The following UST variants were observed in gnomAD, a reference collection of about 807,000 sequenced individuals.
UST encodes the protein chondroitin sulfate 2-O-sulfotransferase.
UST carries 21 observed loss-of-function variants against 45.6 expected under a neutral mutation model. That is an observed-to-expected ratio of 0.46 (90% CI 0.33 to 0.66). The LOEUF (loss-of-function observed/expected upper bound fraction) is 0.66, where lower values mean the gene tolerates loss of function less well. Ranked by LOEUF, UST falls within the 30% of genes least tolerant of loss-of-function variation. UST has a pLI of 0.02. For missense variants in UST, 463 were observed against 512.4 expected, an observed-to-expected ratio of 0.90 and a Z score of 0.93; for synonymous variants, 215 against 200.6, an observed-to-expected ratio of 1.07 and a Z score of -0.61.
intron 1 of UST, among the ~76,000 whole-genome samples, chr6:148,818,655 A>C (rs1341665222): frequency 6.6e-6 from 1 of 152,346 alleles, no homozygotes; most frequent in East Asian, 1.9e-4. Flanking sequence ...CTGGTAGCCA[A>C]GTTCAAAGAG....
chr6:148,800,313 C>T (rs1437175861), intron 1 of UST, among the ~76,000 whole-genome samples: 1 of 152,224 alleles, frequency 6.6e-6, no homozygotes, highest in Non-Finnish European at 1.5e-5. Context: ...GGGCCTGTAT[C>T]ATAGTCAGAA....
At chr6:148,986,202 C>G (rs1781234657) in intron 5 of UST, among the ~76,000 whole-genome samples, 1 of 152,174 alleles carries the variant, frequency 6.6e-6, no homozygotes, top group African/African-American at 2.4e-5. Flanking sequence ...TAAAATCGAA[C>G]AAAGCAGCTG....
intron 1 of UST, among the ~76,000 whole-genome samples, chr6:148,814,986 G>A (rs946385385): frequency 6.6e-6 from 1 of 152,182 alleles, no homozygotes. Flanking sequence ...TAGGATATAC[G>A]TTAATAGTTT....
intron 1 of UST, among the ~76,000 whole-genome samples, chr6:148,863,725 T>C (rs1356254819): frequency 1.3e-5 from 2 of 152,212 alleles, no homozygotes; most frequent in African/African-American, 4.8e-5. Flanking sequence ...CTTCTAACAG[T>C]CAGGACCCTC....
chr6:149,023,781 G>A (rs1175752819), intron 7 of UST, among the ~76,000 whole-genome samples: 1 of 152,074 alleles, frequency 6.6e-6, no homozygotes, highest in Non-Finnish European at 1.5e-5. Context: ...AAAAAGCTTA[G>A]CCCAGAGGAC....
intron 1 of UST, among the ~76,000 whole-genome samples, chr6:148,829,845 G>A (rs1268308201): frequency 6.6e-6 from 1 of 152,012 alleles, no homozygotes; most frequent in Non-Finnish European, 1.5e-5. Context: ...TACTTGCTTT[G>A]GTCTGACCTA....
At position 148,990,932 on chromosome 6, in the gene UST, G is replaced by A. The variant is rs191092162; in HGVS notation, c.681+26369G>A. 1.4e-4 allele frequency among the ~76,000 whole-genome samples: 22 copies of A among 152,262 alleles called. No homozygotes were observed. The East Asian group carries it at 4.1e-3, about 28-fold the overall frequency. On this transcript the variant is annotated intron_variant, in intron 5 of 7. Coordinates refer to ENST00000367463, the MANE Select transcript of UST (RefSeq NM_005715.3). ...TCACTCAAGAAAATATTGGCTAAGCGTCTCCTGTGGGCTGGCACTCTCCTA... is the reference window on the plus strand; with the variant it reads ...TCACTCAAGAAAATATTGGCTAAGCATCTCCTGTGGGCTGGCACTCTCCTA...
intron 5 of UST, among the ~76,000 whole-genome samples, chr6:148,969,727 G>A (rs1780876226): frequency 6.6e-6 from 1 of 152,026 alleles, no homozygotes; most frequent in African/African-American, 2.4e-5. Flanking sequence ...GTTTTCCTGG[G>A]GCTCAGGACA....
intron 2 of UST, among the ~76,000 whole-genome samples, chr6:148,919,718 T>G (rs1779664876): frequency 6.6e-6 from 1 of 152,252 alleles, no homozygotes; most frequent in Non-Finnish European, 1.5e-5. Context: ...TTTGTCCTGT[T>G]TGATGAAACA....
chr6:149,073,186 A>G (rs1014416951), intron 7 of UST, among the ~76,000 whole-genome samples: 1 of 152,188 alleles, frequency 6.6e-6, no homozygotes, highest in Non-Finnish European at 1.5e-5. Flanking sequence ...GGCTCGTGCC[A>G]TAATCCCAGC....
At chr6:148,762,912 C>T (rs112917751) in intron 1 of UST, among the ~76,000 whole-genome samples, 2,524 of 152,252 alleles carry the variant, frequency 0.017, 78 homozygotes, top group African/African-American at 0.056. Flanking sequence ...TGTTGATGGA[C>T]AGTTAGTTTC....
intron 1 of UST, among the ~76,000 whole-genome samples, chr6:148,795,210 T>C (rs1776923919): frequency 6.6e-6 from 1 of 152,188 alleles, no homozygotes; most frequent in South Asian, 2.1e-4. Flanking sequence ...GAAGTAGGCT[T>C]GGGATGGAGG....
chr6:148,801,802 T>C (rs1488057096), intron 1 of UST, among the ~76,000 whole-genome samples: 2 of 152,196 alleles, frequency 1.3e-5, no homozygotes, highest in Non-Finnish European at 2.9e-5. Flanking sequence ...ATGTTTATTA[T>C]ATTTTATCCA....
intron 1 of UST, among the ~76,000 whole-genome samples, chr6:148,828,464 A>G (rs899168252): frequency 6.6e-6 from 1 of 152,162 alleles, no homozygotes; most frequent in African/African-American, 2.4e-5. Context: ...TATGCTCCTT[A>G]GGTTTTAAAA....
chr6:148,931,727 T>A (rs1779925220), intron 2 of UST, among the ~76,000 whole-genome samples: 1 of 152,148 alleles, frequency 6.6e-6, no homozygotes, highest in African/African-American at 2.4e-5. Flanking sequence ...ACATACAGGG[T>A]ACATCCACAT....
chr6:148,865,453 T>C (rs1459620967), intron 1 of UST, among the ~76,000 whole-genome samples: 1 of 152,220 alleles, frequency 6.6e-6, no homozygotes, highest in Non-Finnish European at 1.5e-5. Context: ...TAGAGGAAAG[T>C]CGGGTGTTTT....
intron 7 of UST, among the ~76,000 whole-genome samples, chr6:149,030,628 G>C (rs1048866281): frequency 2.0e-5 from 3 of 151,818 alleles, no homozygotes; most frequent in African/African-American, 7.3e-5. Context: ...ATTTGCTATT[G>C]GTTCATTTAC....
chr6:148,771,604 TC>T (rs1776427699), intron 1 of UST, among the ~76,000 whole-genome samples: 1 of 152,196 alleles, frequency 6.6e-6, no homozygotes, highest in African/African-American at 2.4e-5. Context: ...AGGTGGATAG[TC>T]CTTTAGATAA....
At chr6:148,953,789 AAAG>A (rs1305356076) in intron 3 of UST, 80 bp from the exon 4 acceptor site, 11 of 788,868 alleles carry the variant, frequency 1.4e-5, no homozygotes, top group Non-Finnish European at 1.8e-5. Flanking sequence ...AAAAAAAAAA[AAAG>A]AGTGGGATAC....
Sources: allele counts gnomAD v4.1 joint callset (sites outside exome capture counted in the v4.1 genomes callset), GRCh38; gene constraint gnomAD v4.1.1; transcripts MANE v1.5; gene names NCBI Gene and HGNC (gene_info 2026-07-23, HGNC 2026-07-21).